NAALADL2: variants seen among roughly 807,000 people sequenced by gnomAD.
NAALADL2 encodes inactive N-acetylated-alpha-linked acidic dipeptidase-like protein 2.
In NAALADL2, 76 loss-of-function variants were observed where a neutral mutation model predicts 87.2. The ratio of observed to expected loss-of-function variants is 0.87; its 90% CI spans 0.72 to 1.05. The LOEUF is 1.05. Ranked by LOEUF, NAALADL2 falls within the 50% of genes least tolerant of loss-of-function variation. NAALADL2 has a pLI of 0.00. For synonymous variants in NAALADL2, 354 were observed against 331.0 expected (o/e 1.07, Z -0.75); for missense variants, 1,089 against 945.8 (o/e 1.15, Z -1.99).
At chr3:175,031,204 G>A (rs192384692) in intron 1 of NAALADL2, among the ~76,000 whole-genome samples, 3 of 151,918 alleles carry the variant, frequency 2.0e-5, no homozygotes, top group Admixed American at 6.6e-5. Flanking sequence ...ATGATGCTTC[G>A]GTTTGGGGTA....
chr3:174,765,143 CGAGAGAGAG>C (rs1351014523), intron 3 of NAALADL2, among the ~76,000 whole-genome samples: 10 of 124,634 alleles, frequency 8.0e-5, no homozygotes, highest in African/African-American at 2.4e-4. Flanking sequence ...CACACACACA[CGAGAGAGAG>C]AGAGAGAGAG....
chr3:174,928,545 G>A (rs1736426813), intron 1 of NAALADL2, among the ~76,000 whole-genome samples: 1 of 152,052 alleles, frequency 6.6e-6, no homozygotes, highest in African/African-American at 2.4e-5. Context: ...TTGCCCTTAT[G>A]TGATATTTGT....
chr3:175,146,277 G>T (rs1363375466), intron 2 of NAALADL2, among the ~76,000 whole-genome samples: 1 of 151,676 alleles, frequency 6.6e-6, no homozygotes, highest in Non-Finnish European at 1.5e-5. Context: ...TGAGTCTCTG[G>T]TCTACCCAGA....
At chr3:174,501,590 A>T (rs1324869347) in intron 1 of NAALADL2, among the ~76,000 whole-genome samples, 1 of 152,182 alleles carries the variant, frequency 6.6e-6, no homozygotes, top group East Asian at 1.9e-4. Flanking sequence ...ATAGGACAAC[A>T]AATGGCTATG....
intron 1 of NAALADL2, among the ~76,000 whole-genome samples, chr3:174,894,594 C>CAAAAAAAAAAAAAAAAA (rs869161862): frequency 1.0e-4 from 5 of 48,474 alleles, no homozygotes; most frequent in Non-Finnish European, 1.7e-4. Flanking sequence ...AACTCCGTCT[C>CAAAAAAAAAAAAAAAAA]AAAAAAAAAA....
intron 1 of NAALADL2, among the ~76,000 whole-genome samples, chr3:174,893,262 C>T (rs1378994373): frequency 6.6e-6 from 1 of 151,904 alleles, no homozygotes; most frequent in African/African-American, 2.4e-5. Context: ...AGAAGGATTT[C>T]ATCAATACCA....
At chr3:174,787,036 A>G (rs1477395844) in intron 3 of NAALADL2, among the ~76,000 whole-genome samples, 1 of 139,142 alleles carries the variant, frequency 7.2e-6, no homozygotes, top group Non-Finnish European at 1.6e-5. Context: ...ATACTGCAAT[A>G]TAATAAATTA....
intron 9 of NAALADL2, among the ~76,000 whole-genome samples, chr3:175,546,718 G>T (rs1005689204): frequency 6.6e-6 from 1 of 152,024 alleles, no homozygotes; most frequent in Non-Finnish European, 1.5e-5. Context: ...AGTTTCTTCT[G>T]GCTTATAGGG....
intron 1 of NAALADL2, among the ~76,000 whole-genome samples, chr3:174,471,643 G>C (rs2108311993): frequency 6.6e-6 from 1 of 152,096 alleles, no homozygotes; most frequent in South Asian, 2.1e-4. Flanking sequence ...CAAATAGAGA[G>C]TACTGGGTTT....
intron 1 of NAALADL2, among the ~76,000 whole-genome samples, chr3:174,931,430 G>A (rs548666132): frequency 9.9e-5 from 15 of 152,220 alleles, no homozygotes; most frequent in African/African-American, 2.2e-4. Context: ...GTGCCATATC[G>A]TAGAATTATT....
intron 2 of NAALADL2, among the ~76,000 whole-genome samples, chr3:174,577,122 G>C (rs1246152348): frequency 1.3e-5 from 2 of 151,938 alleles, no homozygotes; most frequent in Non-Finnish European, 2.9e-5. Context: ...CAACTGTCTA[G>C]ATGAAAAATA....
chr3:175,014,021 C>T (rs923152097), intron 1 of NAALADL2, among the ~76,000 whole-genome samples: 1 of 152,130 alleles, frequency 6.6e-6, no homozygotes, highest in Admixed American at 6.6e-5. Context: ...TAAAATCCGA[C>T]CTCTGTCATT....
chr3:175,303,619 A>G (rs541937442), intron 4 of NAALADL2, among the ~76,000 whole-genome samples: 1 of 152,310 alleles, frequency 6.6e-6, no homozygotes, highest in South Asian at 2.1e-4. Context: ...CAGTTATCAT[A>G]TTTCCCTTAA....
At chr3:174,908,488 G>C (rs1305861091) in intron 1 of NAALADL2, among the ~76,000 whole-genome samples, 1 of 152,010 alleles carries the variant, frequency 6.6e-6, no homozygotes, top group African/African-American at 2.4e-5. Flanking sequence ...ACAGAAATTA[G>C]GCTTTTTTCA....
intron 9 of NAALADL2, among the ~76,000 whole-genome samples, chr3:175,537,783 T>G (rs186605910): frequency 1.9e-4 from 29 of 152,320 alleles, no homozygotes; most frequent in Admixed American, 9.8e-4. Flanking sequence ...TTGCTTTCTA[T>G]TTACTGATGT....
At chr3:174,622,956 T>A (rs1001467228) in intron 2 of NAALADL2, among the ~76,000 whole-genome samples, 1 of 152,044 alleles carries the variant, frequency 6.6e-6, no homozygotes, top group Non-Finnish European at 1.5e-5. Context: ...GGCAGGAGAA[T>A]GGCGTGAACC....
intron 5 of NAALADL2, among the ~76,000 whole-genome samples, chr3:175,423,166 G>A (rs1389498373): frequency 2.1e-5 from 1 of 48,430 alleles, no homozygotes; most frequent in Non-Finnish European, 4.1e-5. Flanking sequence ...TCTAAGAAAG[G>A]GAGGGGGGGG....
intron 2 of NAALADL2, among the ~76,000 whole-genome samples, chr3:174,609,769 C>G (rs1038259225): frequency 7.9e-5 from 12 of 152,108 alleles, no homozygotes; most frequent in African/African-American, 2.9e-4. Context: ...AATGTCATCC[C>G]CATTAAGCTA....
intron 1 of NAALADL2, among the ~76,000 whole-genome samples, chr3:175,087,344 C>T (rs1719192486): frequency 1.3e-5 from 2 of 152,236 alleles, no homozygotes; most frequent in East Asian, 1.9e-4. Flanking sequence ...GGCGCCTCTG[C>T]ACGGCCGCCC....
Sources: allele counts gnomAD v4.1 joint callset (sites outside exome capture counted in the v4.1 genomes callset), GRCh38; gene constraint gnomAD v4.1.1; transcripts MANE v1.5; gene names NCBI Gene and HGNC (gene_info 2026-07-23, HGNC 2026-07-21).